The following ACTRT3 variants were observed in gnomAD, a reference collection of about 807,000 sequenced individuals.
ACTRT3 encodes the protein actin-related protein T3.
ACTRT3 carries 15 observed loss-of-function variants against 17.6 expected under a neutral mutation model. That is an observed-to-expected ratio of 0.85 (90% CI 0.57 to 1.31). The LOEUF is 1.31. ACTRT3 is among the 50% of genes most tolerant of loss of function. The pLI is 0.00. For synonymous variants in ACTRT3, 169 were observed against 176.4 expected, an observed-to-expected ratio of 0.96 and a Z score of 0.33; for missense variants, 457 against 466.7, an observed-to-expected ratio of 0.98 and a Z score of 0.19.
chr3:169,767,373 T>A lies in ACTRT3; in HGVS notation c.*59A>T. 6.9e-7 allele frequency: 1 copy of A among 1,440,640 alleles called. No homozygotes were observed. Among genetic ancestry groups the A allele is most frequent in the Non-Finnish European group, 9.3e-7 (1 of 1,073,646 alleles). 89.2% of individuals were successfully genotyped at this position (1,440,640 alleles called of 1,614,324 possible). A position where few individuals can be genotyped will look rare whatever the true frequency, so the allele number is the denominator to read the frequency against. On this transcript the variant is annotated 3_prime_UTR_variant, in exon 2 of 2. Transcript: ENST00000330368. ...TCTCTTCTCCCAGAAACATATAATA[T>A]CCAAAGTTTTCTGTCACATATACTC...
rs930061203 is a variant in ACTRT3, at chr3:169,768,676, C to A, written c.201-326G>T. Among the ~76,000 whole-genome samples, 3 of 152,094 alleles carry A rather than the reference C, an allele frequency of 2.0e-5. No individual in the cohort carries two copies. The South Asian group carries it at 6.2e-4, about 32-fold the overall frequency. On this transcript the variant is annotated intron_variant, in intron 1 of 1. Transcript: ENST00000330368. ...CTGAGTAGCTGGGACTACAGGCGCG[C>A]GCCACCACGCCCGGCTAATTTTTTT...
At chr3:169,768,810 G>C (rs915549050) in intron 1 of ACTRT3, among the ~76,000 whole-genome samples, 1 of 152,166 alleles carries the variant, frequency 6.6e-6, no homozygotes, top group Non-Finnish European at 1.5e-5. Context: ...TTACAGGCGT[G>C]AGCCACCGCG....
At position 169,769,316 on chromosome 3, in the gene ACTRT3, G is replaced by A; in HGVS notation, c.200+5C>T. ...CCCCAGCAGCCTGCTGGGAGAAGGA[G>A]GTACCTGATGAACAGCGAGCTCCTC... On this transcript the variant is annotated splice_donor_5th_base_variant and intron_variant, in intron 1 of 1. Coordinates refer to ENST00000330368, the MANE Select transcript of ACTRT3 (RefSeq NM_032487.5). 1.5e-6 allele frequency: 2 copies of A among 1,377,778 alleles called. No homozygotes were observed. The highest frequency in any genetic ancestry group is 1.3e-5 in the South Asian group (1 of 78,286). The allele number at this position is 1,377,778 out of a possible 1,614,324, so 85.3% of individuals were successfully genotyped here.
rs138945719 is a variant in ACTRT3, at chr3:169,767,626, G to T, written c.925C>A (p.Arg309=). The T allele has an allele frequency of 6.2e-7, 1 of 1,613,662 alleles. No homozygotes were observed. The highest frequency in any genetic ancestry group is 8.5e-7 in the Non-Finnish European group (1 of 1,179,872). Residue 309 remains arginine (R), a synonymous_variant, in exon 2 of 2, where the codon CGG becomes AGG. Transcript: ENST00000330368. ...GSTSFPGLDK[R]LVKDIAKVAP... Reference sequence around the variant, plus strand: ...ACCTTTGCTATATCCTTAACTAACCGCTTGTCTAAACCAGGGAAAGAGGTT... The same window carrying T: ...ACCTTTGCTATATCCTTAACTAACCTCTTGTCTAAACCAGGGAAAGAGGTT...
At chr3:169,768,372 C>T (rs1423335061) in intron 1 of ACTRT3, 22 bp from the exon 2 acceptor site, 3 of 1,574,634 alleles carry the variant, frequency 1.9e-6, no homozygotes, top group Non-Finnish European at 1.7e-6. Context: ...GCAATAAGAT[C>T]AATGACAGCT....
chr3:169,769,386 G>C lies in ACTRT3; in HGVS notation c.135C>G (p.Ala45=), dbSNP rs1560580691. ...IGRAKGQSRA[A]QGGLELCVGD... is the part of the protein sequence containing the mutation. ...CCACGCAGAGTTCTAGCCCGCCCTG[G>C]GCCGCGCGGCTCTGGCCCTTGGCGC... Residue 45 remains alanine (A), a synonymous_variant, in exon 1 of 2, where the codon GCC becomes GCG. Transcript: ENST00000330368. 7 of 1,603,344 alleles carry C rather than the reference G, an allele frequency of 4.4e-6. No homozygotes were observed. The South Asian group carries it at 7.7e-5, about 18-fold the overall frequency.
intron 1 of ACTRT3, 61 bp from the exon 2 acceptor site, chr3:169,768,411 G>C (rs1257734006): frequency 1.4e-6 from 2 of 1,450,360 alleles, no homozygotes; most frequent in Non-Finnish European, 1.9e-6. Flanking sequence ...TATTGTCTTC[G>C]ACCCTCAGTT....
chr3:169,767,420 T>G lies in ACTRT3; in HGVS notation c.*12A>C. On this transcript the variant is annotated 3_prime_UTR_variant, in exon 2 of 2. Coordinates refer to ENST00000330368, the MANE Select transcript of ACTRT3 (RefSeq NM_032487.5). The stretch of plus-strand genomic sequence containing the variant: ...ACTCAAAACATTTTCTTCCAACCAT[T>G]TTATCTGTATTTCAGAAGCATCTTT... The G allele has an allele frequency of 6.5e-7, 1 of 1,532,408 alleles. No individual in the cohort carries two copies. The allele number at this position is 1,532,408 out of a possible 1,614,324, so 94.9% of individuals were successfully genotyped here. A position where few individuals can be genotyped will look rare whatever the true frequency, so the allele number is the denominator to read the frequency against.
chr3:169,769,333 G>T lies in ACTRT3; in HGVS notation c.188C>A (p.Ser63Ter), dbSNP rs769496590. The T allele has an allele frequency of 2.7e-6, 4 of 1,469,234 alleles. No homozygotes were observed. In the South Asian group the frequency reaches 3.5e-5, roughly 13 times the overall value. The allele number at this position is 1,469,234 out of a possible 1,614,324, so 91.0% of individuals were successfully genotyped here. Residue 63 changes from serine to a stop codon, truncating the protein, a stop_gained, in exon 1 of 2, where the codon TCG (serine) becomes TAG (stop). Coordinates refer to ENST00000330368, the MANE Select transcript of ACTRT3 (RefSeq NM_032487.5). LOFTEE classifies it high-confidence loss of function. ...GAGAAGGAGGTACCTGATGAACAGCGAGCTCCTCCAGTCCTGAGCTTGGTC... is the reference window on the plus strand; with the variant it reads ...GAGAAGGAGGTACCTGATGAACAGCTAGCTCCTCCAGTCCTGAGCTTGGTC... The part of the protein sequence containing the change: ...VGDQAQDWRS[S>*]LFISYPVERG...
Position 169,767,129 on chromosome 3 carries a change from A to G in ACTRT3, c.*303T>C. On this transcript the variant is annotated 3_prime_UTR_variant, in exon 2 of 2. Coordinates refer to ENST00000330368, the MANE Select transcript of ACTRT3 (RefSeq NM_032487.5). ...CTAAACTTCAATAAGCTTAAATCTT[A>G]TCACTCATTTGGCACATAGCATATT... is the stretch of plus-strand genomic sequence containing the variant. 4.9e-6 allele frequency: 1 copy of G among 202,924 alleles called. No individual in the cohort carries two copies. Among genetic ancestry groups the G allele is most frequent in the Non-Finnish European group, 1.0e-5 (1 of 100,056 alleles). The allele number at this position is 202,924 out of a possible 1,614,324, so 12.6% of individuals were successfully genotyped here.
rs891028295 is a variant in ACTRT3, at chr3:169,767,077, G to A, written c.*355C>T. The A allele has an allele frequency of 2.4e-5, 4 of 165,324 alleles. No individual in the cohort carries two copies. The highest frequency in any genetic ancestry group is 1.2e-4 in the Admixed American group (2 of 17,002). The allele number at this position is 165,324 out of a possible 1,614,324, so 10.2% of individuals were successfully genotyped here. On this transcript the variant is annotated 3_prime_UTR_variant, in exon 2 of 2. Transcript: ENST00000330368. ...TGGCATACCTCTGCTATGGAGTCTC[G>A]TTCCTCACCACAGCAACCTTCTTTC...
At chr3:169,768,676 C>T (rs930061203) in intron 1 of ACTRT3, among the ~76,000 whole-genome samples, 2 of 152,094 alleles carry the variant, frequency 1.3e-5, no homozygotes, top group Non-Finnish European at 2.9e-5. Context: ...TACAGGCGCG[C>T]GCCACCACGC....
chr3:169,768,195 G>A lies in ACTRT3; in HGVS notation c.356C>T (p.Thr119Met), dbSNP rs752097058. The A allele has an allele frequency of 2.4e-5, 38 of 1,613,866 alleles. No homozygotes were observed. The highest frequency in any genetic ancestry group is 3.2e-5 in the Non-Finnish European group (38 of 1,180,030). The change falls in exon 2 of 2, where the codon ACG becomes ATG. Residue 119 changes from threonine to methionine, a missense_variant. By Grantham distance (81) the Thr-to-Met change is moderately conservative. Coordinates refer to ENST00000330368, the MANE Select transcript of ACTRT3 (RefSeq NM_032487.5). ...LNPLANRQQI[T>M]EMFFEHLGVP... ...ACCCAGATGCTCAAAAAACATTTCC[G>A]TGATCTGTTGCCGGTTGGCCAGTGG...
rs1778023880 is a variant in ACTRT3, at chr3:169,768,533, T to A, written c.201-183A>T. 2.6e-5 allele frequency among the ~76,000 whole-genome samples: 4 copies of A among 151,500 alleles called. No homozygotes were observed. In the South Asian group the frequency reaches 8.3e-4, roughly 32 times the overall value. ...ACAGCTACTTACCTCTGCAATTTTT[T>A]TTTTTTTTTTTGGAGACAGAGTCTC... On this transcript the variant is annotated intron_variant, in intron 1 of 1. Coordinates refer to ENST00000330368, the MANE Select transcript of ACTRT3 (RefSeq NM_032487.5).
chr3:169,767,579 C>T lies in ACTRT3; in HGVS notation c.972G>A (p.Val324=). The change falls in exon 2 of 2, where the codon GTG becomes GTA. Residue 324 remains valine (V), a synonymous_variant. Transcript: ENST00000330368. ...TCCTTTCTGGAGGAGCTATAACTTGCACAGCGGTGTTGGCAGGAGCCACCT... is the reference window on the plus strand; with the variant it reads ...TCCTTTCTGGAGGAGCTATAACTTGTACAGCGGTGTTGGCAGGAGCCACCT... ...IAKVAPANTA[V]QVIAPPERKI... is the part of the protein sequence containing the mutation. 2 of 1,614,132 alleles carry T rather than the reference C, an allele frequency of 1.2e-6. No individual in the cohort carries two copies. The highest frequency in any genetic ancestry group is 1.7e-6 in the Non-Finnish European group (2 of 1,180,026).
In ACTRT3 at chr3:169,767,288, C is replaced by T; in HGVS notation, c.*144G>A. The T allele has an allele frequency of 1.5e-6, 1 of 669,530 alleles. No homozygotes were observed. The highest frequency in any genetic ancestry group is 2.4e-6 in the Non-Finnish European group (1 of 421,080). 41.5% of individuals were successfully genotyped at this position (669,530 alleles called of 1,614,324 possible). A position where few individuals can be genotyped will look rare whatever the true frequency, so the allele number is the denominator to read the frequency against. ...TGTTCTTGAGCTTCACCATTATTATCCCCCAAACCCATTATAGAAATACAA... is the reference window on the plus strand; with the variant it reads ...TGTTCTTGAGCTTCACCATTATTATTCCCCAAACCCATTATAGAAATACAA... On this transcript the variant is annotated 3_prime_UTR_variant, in exon 2 of 2. Transcript: ENST00000330368.
chr3:169,769,449 G>A lies in ACTRT3; in HGVS notation c.72C>T (p.Cys24=). The change falls in exon 1 of 2, where the codon TGC becomes TGT. Residue 24 remains cysteine (C), a synonymous_variant. Transcript: ENST00000330368. ...SGMIKAGVAG[C]REPQFIYPNI... Reference sequence around the variant, plus strand: ...TCGGGTAGATAAACTGGGGCTCCCGGCACCCAGCCACGCCCGCCTTGATCA... The same window carrying A: ...TCGGGTAGATAAACTGGGGCTCCCGACACCCAGCCACGCCCGCCTTGATCA... The A allele has an allele frequency of 1.2e-6, 2 of 1,610,206 alleles. No homozygotes were observed. Among genetic ancestry groups the A allele is most frequent in the Non-Finnish European group, 1.7e-6 (2 of 1,179,242 alleles).
rs1422401279 is a variant in ACTRT3, at chr3:169,768,052, C to A, written c.499G>T (p.Gly167Cys). Reference protein sequence around the residue: ...GVTQSVPIFEGYCLPHGVQQL... With the variant: ...GVTQSVPIFECYCLPHGVQQL... ...TGCACACCATGAGGCAGACAGTAAC[C>A]CTCAAAGATGGGCACACTCTGGGTA... The change falls in exon 2 of 2, where the codon GGT becomes TGT. Residue 167 changes from glycine (G) to cysteine (C), a missense_variant. Coordinates refer to ENST00000330368, the MANE Select transcript of ACTRT3 (RefSeq NM_032487.5). 6.2e-7 allele frequency: 1 copy of A among 1,614,088 alleles called. No homozygotes were observed. The highest frequency in any genetic ancestry group is 8.5e-7 in the Non-Finnish European group (1 of 1,180,026).
Position 169,767,366 on chromosome 3 carries a change from T to C in ACTRT3, c.*66A>G. 2.1e-6 allele frequency: 3 copies of C among 1,409,432 alleles called. No homozygotes were observed. Among genetic ancestry groups the C allele is most frequent in the Non-Finnish European group, 1.9e-6 (2 of 1,047,610 alleles). The allele number at this position is 1,409,432 out of a possible 1,614,324, so 87.3% of individuals were successfully genotyped here. A position where few individuals can be genotyped will look rare whatever the true frequency, so the allele number is the denominator to read the frequency against. On this transcript the variant is annotated 3_prime_UTR_variant, in exon 2 of 2. Transcript: ENST00000330368. ...AGTATTTTCTCTTCTCCCAGAAACA[T>C]ATAATATCCAAAGTTTTCTGTCACA...
Sources: gnomAD v4.1 joint callset for allele counts (sites outside exome capture counted in the v4.1 genomes callset) on GRCh38, gnomAD v4.1.1 for gene constraint, MANE v1.5 for transcripts, NCBI Gene and HGNC (gene_info 2026-07-23, HGNC 2026-07-21) for gene names.